Variants in TOP2A observed in about 807,000 individuals in gnomAD.
TOP2A encodes DNA topoisomerase II alpha, also known as DNA topoisomerase 2-alpha.
TOP2A carries 68 observed loss-of-function variants against 187.2 expected under a neutral mutation model. The observed-to-expected ratio is 0.36, with a 90% confidence interval of 0.30 to 0.44. The LOEUF (loss-of-function observed/expected upper bound fraction) is 0.44. Ranked by LOEUF, TOP2A falls within the 20% of genes least tolerant of loss-of-function variation. The pLI, the probability that TOP2A is intolerant of heterozygous loss-of-function variation, is 1.00. For synonymous variants in TOP2A, 542 were observed against 593.2 expected (o/e 0.91, Z 1.25); for missense variants, 1,196 against 1,808.7 (o/e 0.66, Z 6.14).
rs114333555 is a variant in TOP2A at position 40,392,750 on chromosome 17, T to C, written c.3812-13A>G. ...TTTGTCTTTGTACCTAGAGGGGAGA[T>C]AGAAATTAATCACCTTTATATATTA... On this transcript the variant is annotated splice_polypyrimidine_tract_variant and intron_variant, in intron 29 of 34. Transcript: ENST00000423485. 989 of 1,596,868 alleles carry C rather than the reference T, an allele frequency of 6.2e-4. 10 individuals are homozygous for C. In the African/African-American group the frequency reaches 8.1e-3, roughly 13 times the overall value.
At chr17:40,391,359 T>C (rs532704577) in intron 33 of TOP2A, 147 bp downstream of exon 33, 3 of 801,444 alleles carry the variant, frequency 3.7e-6, no homozygotes, top group South Asian at 4.1e-5. Context: ...ATTTTGATTA[T>C]AAAGATCGAA....
intron 25 of TOP2A, 21 bp from the exon 26 acceptor site, chr17:40,398,958 T>G: frequency 2.5e-6 from 4 of 1,602,314 alleles, no homozygotes; most frequent in Non-Finnish European, 3.4e-6. Flanking sequence ...AATTAAAATC[T>G]AGCTTTATTA....
intron 29 of TOP2A, among the ~76,000 whole-genome samples, 174 bp from the exon 30 acceptor site, chr17:40,392,911 T>C (rs766096759): frequency 6.6e-6 from 1 of 152,180 alleles, no homozygotes; most frequent in Non-Finnish European, 1.5e-5. Context: ...TCACTTAATC[T>C]CATAAATAAA....
At chr17:40,393,205 C>T (rs2035048092) in intron 29 of TOP2A, among the ~76,000 whole-genome samples, 1 of 151,866 alleles carries the variant, frequency 6.6e-6, no homozygotes, top group Admixed American at 6.6e-5. Flanking sequence ...CCTGTGGTTC[C>T]AGCCACTAGG....
At chr17:40,399,356 A>C in intron 24 of TOP2A, 1 of 482,820 alleles carries the variant, frequency 2.1e-6, no homozygotes, top group East Asian at 3.8e-5. Context: ...TTTTTTTTGG[A>C]GACAGGGTCT....
Position 40,408,229 on chromosome 17 carries a change from T to C in TOP2A, c.1343-105A>G, listed in dbSNP as rs577591920. 57 of 954,740 alleles carry C rather than the reference T, an allele frequency of 6.0e-5. No individual in the cohort carries two copies. In the African/African-American group the frequency reaches 9.3e-4, roughly 16 times the overall value. 59.1% of individuals were successfully genotyped at this position (954,740 alleles called of 1,614,324 possible). On this transcript the variant is annotated intron_variant, in intron 11 of 34. Coordinates refer to ENST00000423485, the MANE Select transcript of TOP2A (RefSeq NM_001067.4). ...CCTTGTGATAAAACACAATTTACTATATAATGAGCAAAATTATTTGTTAGG... is the reference window on the plus strand; with the variant it reads ...CCTTGTGATAAAACACAATTTACTACATAATGAGCAAAATTATTTGTTAGG...
chr17:40,398,270 A>C (rs2035128136), intron 27 of TOP2A, among the ~76,000 whole-genome samples: 1 of 151,294 alleles, frequency 6.6e-6, no homozygotes, highest in South Asian at 2.1e-4. Context: ...TGCCTGGCTA[A>C]TTTTTGTGTT....
chr17:40,416,144 G>T, intron 3 of TOP2A, 76 bp from the exon 4 acceptor site: 1 of 1,214,514 alleles, frequency 8.2e-7, no homozygotes, highest in South Asian at 1.3e-5. Flanking sequence ...GTAAGATATA[G>T]AAAAAAAAGT....
intron 17 of TOP2A, 61 bp from the exon 18 acceptor site, chr17:40,404,552 C>A: frequency 1.0e-6 from 1 of 974,810 alleles, no homozygotes; most frequent in South Asian, 1.5e-5. Flanking sequence ...ACACAAAAAT[C>A]AAACAGAAAC....
At chr17:40,414,976 T>C (rs1172059666) in intron 4 of TOP2A, among the ~76,000 whole-genome samples, 2 of 151,966 alleles carry the variant, frequency 1.3e-5, no homozygotes, top group Non-Finnish European at 2.9e-5. Context: ...TATATTTTAG[T>C]TAATAACTCG....
At chr17:40,415,699 C>T (rs1294077409) in intron 4 of TOP2A, among the ~76,000 whole-genome samples, 1 of 152,208 alleles carries the variant, frequency 6.6e-6, no homozygotes, top group East Asian at 1.9e-4. Context: ...CCATGGCACA[C>T]ACCCATAATG....
At chr17:40,392,877 G>A (rs1224286586) in intron 29 of TOP2A, 140 bp from the exon 30 acceptor site, 10 of 743,066 alleles carry the variant, frequency 1.3e-5, no homozygotes, top group Non-Finnish European at 2.1e-5. Flanking sequence ...TATGGTCTCT[G>A]TTTTTGTGGT....
At chr17:40,391,784 G>T in intron 32 of TOP2A, 144 bp from the exon 33 acceptor site, 2 of 1,022,120 alleles carry the variant, frequency 2.0e-6, no homozygotes, top group Non-Finnish European at 1.4e-6. Context: ...TTAAAACTTT[G>T]TTCTAATTTC....
At chr17:40,412,383 T>C (rs940136420) in intron 7 of TOP2A, among the ~76,000 whole-genome samples, 1 of 152,124 alleles carries the variant, frequency 6.6e-6, no homozygotes, top group Non-Finnish European at 1.5e-5. Flanking sequence ...CAGTGGCTCA[T>C]GCCTGTAATC....
Position 40,411,738 on chromosome 17 carries a change from A to C in TOP2A, c.870T>G (p.His290Gln), listed in dbSNP as rs1303931535. The C allele has an allele frequency of 1.7e-5, 28 of 1,612,800 alleles. No individual in the cohort carries two copies. Among genetic ancestry groups the C allele is most frequent in the East Asian group, 8.9e-5 (4 of 44,874 alleles). Residue 290 changes from histidine to glutamine, a missense_variant, in exon 8 of 35, where the codon CAT becomes CAG. His to Gln is a conservative substitution (Grantham distance 24, BLOSUM62 0). Coordinates refer to ENST00000423485, the MANE Select transcript of TOP2A (RefSeq NM_001067.4). The surrounding 1 kb of genome is among the most constrained non-coding windows in gnomAD (Gnocchi z 4.4). ...CTTCCCACCTGTGGTTTACTTGTTC[A>C]TGTATTACTTTCAAGGAGTTACCAG... ...DETGNSLKVI[H>Q]EQVNHRWEVC...
chr17:40,393,875 G>A (rs780425463), intron 29 of TOP2A, among the ~76,000 whole-genome samples: 5 of 152,036 alleles, frequency 3.3e-5, no homozygotes, highest in Non-Finnish European at 5.9e-5. Flanking sequence ...GGCCAACATG[G>A]TGAAACCCTG....
At chr17:40,391,947 A>T in intron 32 of TOP2A, 121 bp downstream of exon 32, 1 of 1,099,850 alleles carries the variant, frequency 9.1e-7, no homozygotes, top group Non-Finnish European at 1.3e-6. Context: ...ACATAATGTT[A>T]ATAAGAACTC....
chr17:40,406,714 G>A, intron 14 of TOP2A, 25 bp from the exon 15 acceptor site: 2 of 1,597,652 alleles, frequency 1.3e-6, no homozygotes, highest in Non-Finnish European at 8.6e-7. Context: ...AATGACTGTG[G>A]CTTTGTACAC....
chr17:40,401,175 T>C (rs1342812597), intron 20 of TOP2A, 94 bp from the exon 21 acceptor site: 14 of 1,121,426 alleles, frequency 1.2e-5, no homozygotes, highest in African/African-American at 1.6e-5. Context: ...ATGAAAATTA[T>C]CTTGGTTTTA....
Sources: gnomAD v4.1 joint callset for allele counts (sites outside exome capture counted in the v4.1 genomes callset) on GRCh38, gnomAD v4.1.1 for gene constraint, Gnocchi (gnomAD v3.1) non-coding constraint, MANE v1.5 for transcripts, NCBI Gene and HGNC (gene_info 2026-07-23, HGNC 2026-07-21) for gene names.